Variants in PCSK2 observed in about 807,000 individuals in gnomAD.
The protein encoded by PCSK2 is proprotein convertase subtilisin/kexin type 2, also known as neuroendocrine convertase 2.
Under a neutral mutation model 69.7 loss-of-function variants are expected in PCSK2, and 14 were observed. The ratio of observed to expected loss-of-function variants is 0.20; its 90% CI spans 0.13 to 0.31. PCSK2 has a LOEUF of 0.31. PCSK2 is among the 10% of genes least tolerant of loss of function. The pLI, the probability that PCSK2 is intolerant of heterozygous loss-of-function variation, is 1.00. For synonymous variants in PCSK2, 307 were observed against 320.7 expected, an observed-to-expected ratio of 0.96 and a Z score of 0.46; for missense variants, 544 against 842.5, an observed-to-expected ratio of 0.65 and a Z score of 4.39.
At position 17,260,330 on chromosome 20, in the gene PCSK2, G is replaced by A. The variant is rs1987330839; in HGVS notation, c.268G>A (p.Glu90Lys). Residue 90 changes from glutamate (E) to lysine (K), a missense_variant, in exon 2 of 12, where the codon GAG becomes AAG. Transcript: ENST00000262545. ...RRSLHHKQQL[E>K]RDPRVKMALQ... is the part of the protein sequence containing the mutation. ...CAGCCTACACCACAAGCAGCAGCTG[G>A]AGAGAGACCCCAGGGTGAGTTTTCC... 1 of 1,612,032 alleles carries A rather than the reference G, an allele frequency of 6.2e-7. No individual in the cohort carries two copies. Among genetic ancestry groups the A allele is most frequent in the East Asian group, 2.2e-5 (1 of 44,866 alleles).
At chr20:17,468,667 C>T (rs1214352612) in intron 11 of PCSK2, among the ~76,000 whole-genome samples, 6 of 151,686 alleles carry the variant, frequency 4.0e-5, no homozygotes, top group Non-Finnish European at 8.8e-5. Flanking sequence ...CTCCCATGGG[C>T]CAGTGTCCTC....
chr20:17,333,925 ATATATATATATG>A (rs927622794), intron 2 of PCSK2, among the ~76,000 whole-genome samples: 2 of 139,278 alleles, frequency 1.4e-5, no homozygotes, highest in Non-Finnish European at 3.1e-5. Flanking sequence ...ATATATATAT[ATATATATATATG>A]GCTTCAAATC....
intron 6 of PCSK2, among the ~76,000 whole-genome samples, chr20:17,425,925 A>G (rs1008290740): frequency 6.6e-6 from 1 of 152,212 alleles, no homozygotes; most frequent in African/African-American, 2.4e-5. Flanking sequence ...ATGGCCACAT[A>G]CAAGTGCAAG....
intron 9 of PCSK2, among the ~76,000 whole-genome samples, chr20:17,454,730 T>C (rs1451766190): frequency 6.6e-6 from 1 of 152,196 alleles, no homozygotes; most frequent in African/African-American, 2.4e-5. Flanking sequence ...TCAGTAGTCA[T>C]GCATGAATTA....
chr20:17,229,175 A>C (rs920210629), intron 1 of PCSK2, among the ~76,000 whole-genome samples: 1 of 151,912 alleles, frequency 6.6e-6, no homozygotes, highest in African/African-American at 2.4e-5. Context: ...TGAGGAGGCT[A>C]CTATCATTAT....
At chr20:17,424,571 T>A (rs550828989) in intron 6 of PCSK2, among the ~76,000 whole-genome samples, 1 of 152,174 alleles carries the variant, frequency 6.6e-6, no homozygotes, top group Non-Finnish European at 1.5e-5. Context: ...CGGCTCACTG[T>A]GACCTCCGCC....
intron 2 of PCSK2, among the ~76,000 whole-genome samples, chr20:17,284,726 A>G (rs2123053096): frequency 6.6e-6 from 1 of 152,322 alleles, no homozygotes; most frequent in East Asian, 1.9e-4. Flanking sequence ...ATTTAACCAT[A>G]GGGCCACCAA....
intron 5 of PCSK2, among the ~76,000 whole-genome samples, chr20:17,408,044 C>T (rs2031791631): frequency 6.6e-6 from 1 of 152,146 alleles, no homozygotes; most frequent in Admixed American, 6.6e-5. Context: ...GGCTTACAAA[C>T]TCAAGTGTGT....
Position 17,429,491 on chromosome 20 carries a change from G to A in PCSK2, c.677G>A (p.Gly226Glu). The change falls in exon 7 of 12, where the codon GGA becomes GAA. Residue 226 changes from glycine to glutamate, a missense_variant. Around this residue, in one of 3 missense-constraint regions of PCSK2, gnomAD observed 187 missense variants for 399.8 expected, o/e 0.47. Transcript: ENST00000262545. The stretch of plus-strand genomic sequence containing the variant: ...GCTGCCGCCAACAACAATATCTGTG[G>A]AGTTGGAGTAGCATACAACTCCAAG... ...VSAAANNNIC[G>E]VGVAYNSKVA... The A allele has an allele frequency of 6.2e-7, 1 of 1,613,692 alleles. No homozygotes were observed. The highest frequency in any genetic ancestry group is 2.2e-5 in the East Asian group (1 of 44,878).
At chr20:17,263,503 C>G (rs964982629) in intron 2 of PCSK2, among the ~76,000 whole-genome samples, 3 of 152,204 alleles carry the variant, frequency 2.0e-5, no homozygotes, top group African/African-American at 7.2e-5. Flanking sequence ...AATGACTGAG[C>G]ATGTCAAATG....
At chr20:17,454,892 G>A (rs886905635) in intron 9 of PCSK2, among the ~76,000 whole-genome samples, 2 of 152,302 alleles carry the variant, frequency 1.3e-5, no homozygotes, top group Admixed American at 6.5e-5. Context: ...CTGCGTGAGC[G>A]AGGAGAAGCC....
At chr20:17,461,150 T>C (rs1189271715) in intron 10 of PCSK2, among the ~76,000 whole-genome samples, 1 of 152,078 alleles carries the variant, frequency 6.6e-6, no homozygotes, top group Non-Finnish European at 1.5e-5. Flanking sequence ...ATGCACAAAA[T>C]CAGGTTTCAC....
intron 1 of PCSK2, among the ~76,000 whole-genome samples, chr20:17,243,214 T>C (rs1415205238): frequency 6.6e-6 from 1 of 152,242 alleles, no homozygotes; most frequent in East Asian, 1.9e-4. Context: ...TTTTTTATTG[T>C]ATTAGAGACA....
At chr20:17,431,111 G>A (rs771633782) in intron 7 of PCSK2, among the ~76,000 whole-genome samples, 1 of 152,122 alleles carries the variant, frequency 6.6e-6, no homozygotes, top group Non-Finnish European at 1.5e-5. Context: ...TGTGGGAGGT[G>A]GTCCCCGGAA....
At chr20:17,444,549 C>T (rs943918548) in intron 8 of PCSK2, among the ~76,000 whole-genome samples, 2 of 152,156 alleles carry the variant, frequency 1.3e-5, no homozygotes, top group African/African-American at 2.4e-5. Context: ...GGGTGACAGT[C>T]AGAGGCCCCT....
At chr20:17,384,651 A>G (rs964981952) in intron 5 of PCSK2, among the ~76,000 whole-genome samples, 7 of 152,122 alleles carry the variant, frequency 4.6e-5, no homozygotes, top group Non-Finnish European at 7.4e-5. Flanking sequence ...TATTTTTCAT[A>G]GGCTGAACAC....
chr20:17,415,929 A>T (rs2031989401), intron 6 of PCSK2, among the ~76,000 whole-genome samples: 1 of 152,228 alleles, frequency 6.6e-6, no homozygotes, highest in Admixed American at 6.5e-5. Context: ...TGGGGAAAGG[A>T]TTCCCTATTT....
At chr20:17,439,885 T>C (rs2269013) in intron 8 of PCSK2, among the ~76,000 whole-genome samples, 100,946 of 152,046 alleles carry the variant, frequency 0.66, 33,867 homozygotes, top group African/African-American at 0.75. Context: ...CTTTGTGACA[T>C]TCTGGGCACC....
chr20:17,442,165 G>A (rs1419758483), intron 8 of PCSK2, among the ~76,000 whole-genome samples: 1 of 151,796 alleles, frequency 6.6e-6, no homozygotes, highest in Admixed American at 6.6e-5. Context: ...AGCTGGGAAA[G>A]GAATGGGATA....
Sources: allele counts gnomAD v4.1 joint callset (sites outside exome capture counted in the v4.1 genomes callset), GRCh38; gene constraint gnomAD v4.1.1; regional missense constraint gnomAD v4.1.1; transcripts MANE v1.5; gene names NCBI Gene and HGNC (gene_info 2026-07-23, HGNC 2026-07-21).